FAM3C: variants seen among roughly 807,000 people sequenced by gnomAD.
The protein encoded by FAM3C is protein FAM3C.
FAM3C carries 15 observed loss-of-function variants against 32.5 expected under a neutral mutation model. That is an observed-to-expected ratio of 0.46 (90% CI 0.31 to 0.71). The LOEUF is 0.71. Among genes scored for constraint, FAM3C ranks in the 30% least tolerant of loss-of-function variants. FAM3C has a pLI of 0.05. For missense variants in FAM3C, 175 were observed against 274.4 expected (o/e 0.64, Z 2.56); for synonymous variants, 75 against 86.1 (o/e 0.87, Z 0.72).
In FAM3C at chr7:121,362,446, TCTAATGCTC is replaced by T. The variant is rs553232155; in HGVS notation, c.382+442_382+450del. The stretch of plus-strand genomic sequence containing the variant: ...TAAAACTGATAGTTTATCTTGTCTT[TCTAATGCTC>T]CTAATGCTCCTAATGATTTATTTTT... On this transcript the variant is annotated intron_variant, in intron 7 of 9. Coordinates refer to ENST00000359943, the MANE Select transcript of FAM3C (RefSeq NM_014888.3). 2.6e-4 allele frequency among the ~76,000 whole-genome samples: 39 copies of T among 152,298 alleles called. No individual in the cohort carries two copies. The South Asian group carries it at 5.4e-3, about 21-fold the overall frequency.
chr7:121,367,350 G>C (rs1794042412), intron 5 of FAM3C, among the ~76,000 whole-genome samples: 1 of 152,142 alleles, frequency 6.6e-6, no homozygotes, highest in South Asian at 2.1e-4. Context: ...GCAAACTATA[G>C]CTCACGAGCC....
At chr7:121,383,142 T>TAAAA in intron 1 of FAM3C, 132 bp from the exon 2 acceptor site, 2 of 451,398 alleles carry the variant, frequency 4.4e-6, no homozygotes, top group Admixed American at 4.3e-5. Flanking sequence ...ACATTGGCAT[T>TAAAA]AAAAAAAAAA....
chr7:121,394,329 A>G (rs907543723), intron 1 of FAM3C, among the ~76,000 whole-genome samples: 4 of 152,196 alleles, frequency 2.6e-5, no homozygotes, highest in African/African-American at 9.7e-5. Flanking sequence ...TTTTTAATGT[A>G]TCTTCATAAA....
chr7:121,354,870 A>G (rs1793778178), intron 8 of FAM3C, among the ~76,000 whole-genome samples: 1 of 152,208 alleles, frequency 6.6e-6, no homozygotes, highest in Non-Finnish European at 1.5e-5. Context: ...TAACACTTCC[A>G]GAAAAAAATG....
At chr7:121,395,270 G>GATAC (rs565268708) in intron 1 of FAM3C, among the ~76,000 whole-genome samples, 5 of 137,070 alleles carry the variant, frequency 3.6e-5, no homozygotes, top group African/African-American at 1.4e-4. Context: ...CATATATATG[G>GATAC]ATACATACAT....
intron 2 of FAM3C, among the ~76,000 whole-genome samples, chr7:121,381,688 A>G (rs1009904120): frequency 6.6e-6 from 1 of 151,892 alleles, no homozygotes; most frequent in Non-Finnish European, 1.5e-5. Flanking sequence ...ACACACACAC[A>G]CACGCATGCA....
intron 4 of FAM3C, among the ~76,000 whole-genome samples, chr7:121,371,757 G>T (rs1794151792): frequency 6.6e-6 from 1 of 152,006 alleles, no homozygotes; most frequent in African/African-American, 2.4e-5. Flanking sequence ...GGATGTGGGG[G>T]GTTCTGAATG....
At chr7:121,375,066 G>C (rs1794214769) in intron 3 of FAM3C, among the ~76,000 whole-genome samples, 1 of 152,078 alleles carries the variant, frequency 6.6e-6, no homozygotes, top group Non-Finnish European at 1.5e-5. Flanking sequence ...TCACTCTTGG[G>C]TGAAGGGGGA....
chr7:121,382,401 CTTAAT>C (rs1016978160), intron 2 of FAM3C, among the ~76,000 whole-genome samples: 20 of 152,234 alleles, frequency 1.3e-4, no homozygotes, highest in Admixed American at 3.3e-4. Context: ...TCACACACAT[CTTAAT>C]TTAAGTACAT....
rs931382251 is a variant in FAM3C, at chr7:121,383,179, A to G, written c.-41-169T>C. Among the ~76,000 whole-genome samples the G allele has an allele frequency of 5.9e-5, 9 of 152,062 alleles. No individual in the cohort carries two copies. The South Asian group carries it at 8.3e-4, about 14-fold the overall frequency. ...AAATGGGCCTGTCTTCCACTGGACC[A>G]TAAGACCTCAAGGAGGGTCTGTCTT... On this transcript the variant is annotated intron_variant, in intron 1 of 9. Coordinates refer to ENST00000359943, the MANE Select transcript of FAM3C (RefSeq NM_014888.3).
intron 8 of FAM3C, 50 bp from the exon 9 acceptor site, chr7:121,351,319 C>T: frequency 2.0e-6 from 3 of 1,518,464 alleles, no homozygotes; most frequent in Non-Finnish European, 2.7e-6. Context: ...GAACTGTATG[C>T]TAATACTGGT....
At chr7:121,395,808 G>C (rs1794679386) in intron 1 of FAM3C, among the ~76,000 whole-genome samples, 1 of 152,008 alleles carries the variant, frequency 6.6e-6, no homozygotes, top group Non-Finnish European at 1.5e-5. Context: ...CGCTGCAGGG[G>C]CGCGAGCCAC....
At chr7:121,376,016 T>C (rs766604883) in intron 3 of FAM3C, among the ~76,000 whole-genome samples, 1 of 152,236 alleles carries the variant, frequency 6.6e-6, no homozygotes, top group Non-Finnish European at 1.5e-5. Flanking sequence ...GCTATGCACA[T>C]TGCTTCCAGA....
chr7:121,392,229 T>C (rs1462329165), intron 1 of FAM3C, among the ~76,000 whole-genome samples: 1 of 152,218 alleles, frequency 6.6e-6, no homozygotes, highest in Non-Finnish European at 1.5e-5. Flanking sequence ...GTTTTTGCAC[T>C]GTTATAAAGA....
intron 1 of FAM3C, among the ~76,000 whole-genome samples, chr7:121,395,893 G>A (rs867288091): frequency 2.6e-5 from 4 of 151,418 alleles, no homozygotes; most frequent in Middle Eastern, 3.4e-3. Context: ...AGGTGCAGAC[G>A]CCGCCCCGTC....
In FAM3C at chr7:121,359,683, T is replaced by C. The variant is rs1793882331; in HGVS notation, c.467+360A>G. Among the ~76,000 whole-genome samples the C allele has an allele frequency of 2.0e-5, 3 of 152,070 alleles. No homozygotes were observed. In the South Asian group the frequency reaches 6.2e-4, roughly 31 times the overall value. On this transcript the variant is annotated intron_variant, in intron 8 of 9. Coordinates refer to ENST00000359943, the MANE Select transcript of FAM3C (RefSeq NM_014888.3). ...ACAATTAACTCCATTTCTTGAAATT[T>C]ACCCTAATGACATAATAATAGGGAA...
chr7:121,361,230 T>C (rs1793913984), intron 7 of FAM3C, among the ~76,000 whole-genome samples: 1 of 152,212 alleles, frequency 6.6e-6, no homozygotes, highest in Non-Finnish European at 1.5e-5. Context: ...CTGGGTTCCT[T>C]ATAGCTCTGA....
At chr7:121,353,558 T>C (rs1793750094) in intron 8 of FAM3C, among the ~76,000 whole-genome samples, 1 of 152,196 alleles carries the variant, frequency 6.6e-6, no homozygotes, top group African/African-American at 2.4e-5. Flanking sequence ...TTTTCAAAAC[T>C]GATAAGAATG....
chr7:121,385,032 C>A (rs188714751), intron 1 of FAM3C, among the ~76,000 whole-genome samples: 1 of 152,028 alleles, frequency 6.6e-6, no homozygotes, highest in East Asian at 1.9e-4. Context: ...ATGGAAACTT[C>A]AGGCTGAAAA....
Sources: allele counts gnomAD v4.1 joint callset (sites outside exome capture counted in the v4.1 genomes callset), GRCh38; gene constraint gnomAD v4.1.1; transcripts MANE v1.5; gene names NCBI Gene and HGNC (gene_info 2026-07-23, HGNC 2026-07-21).